KLHL29: variants seen among roughly 807,000 people sequenced by gnomAD.
The protein encoded by KLHL29 is kelch like family member 29, also known as kelch-like protein 29.
KLHL29 carries 21 observed loss-of-function variants against 80.4 expected under a neutral mutation model. The ratio of observed to expected loss-of-function variants is 0.26; its 90% CI spans 0.19 to 0.38. The LOEUF (loss-of-function observed/expected upper bound fraction) is 0.38. KLHL29 is among the 10% of genes least tolerant of loss of function. The probability of loss-of-function intolerance (pLI) is 1.00; values close to 1 mark genes in which losing one functional copy is unlikely to be tolerated. For missense variants in KLHL29, 867 were observed against 1,223.9 expected, an observed-to-expected ratio of 0.71 and a Z score of 4.35; for synonymous variants, 511 against 526.8, an observed-to-expected ratio of 0.97 and a Z score of 0.41.
intron 11 of KLHL29, among the ~76,000 whole-genome samples, chr2:23,702,050 C>T (rs139681117): frequency 0.035 from 5,294 of 151,648 alleles, 139 homozygotes; most frequent in Non-Finnish European, 0.055. Context: ...CTCGAACTCC[C>T]GACCTCAGAT....
Position 23,596,754 on chromosome 2 carries a change from G to A in KLHL29, c.285+34273G>A, listed in dbSNP as rs951608556. Among the ~76,000 whole-genome samples the A allele has an allele frequency of 2.0e-5, 3 of 152,166 alleles. No individual in the cohort carries two copies. The highest frequency in any genetic ancestry group is 6.5e-5 in the Admixed American group (1 of 15,280). ...GGCAGAGCCATCTCTTACACACAAC[G>A]GCGAAATTATTTTCTTCATCTCAGA... On this transcript the variant is annotated intron_variant, in intron 3 of 13. Coordinates refer to ENST00000486442, the MANE Select transcript of KLHL29 (RefSeq NM_052920.2). This position sits in a 1 kb window ranked among gnomAD's most constrained non-coding sequence, Gnocchi z 4.4.
chr2:23,608,300 T>C (rs1668778041), intron 3 of KLHL29, among the ~76,000 whole-genome samples: 1 of 152,200 alleles, frequency 6.6e-6, no homozygotes. Flanking sequence ...CCTAAACATA[T>C]CTATAGCTTA....
Position 23,596,395 on chromosome 2 carries a change from T to C in KLHL29, c.285+33914T>C, listed in dbSNP as rs1185359712. Among the ~76,000 whole-genome samples the C allele has an allele frequency of 6.6e-6, 1 of 152,162 alleles. No individual in the cohort carries two copies. The highest frequency in any genetic ancestry group is 1.5e-5 in the Non-Finnish European group (1 of 68,024). ...CTGTCTCCGAGCAGAGGTCTTGGTGTCCTGGTGGCTGCATCCCAGGGGAGA... is the reference window on the plus strand; with the variant it reads ...CTGTCTCCGAGCAGAGGTCTTGGTGCCCTGGTGGCTGCATCCCAGGGGAGA... On this transcript the variant is annotated intron_variant, in intron 3 of 13. Transcript: ENST00000486442. This position sits in a 1 kb window ranked among gnomAD's most constrained non-coding sequence, Gnocchi z 4.4.
intron 1 of KLHL29, among the ~76,000 whole-genome samples, chr2:23,411,000 A>C (rs773329561): frequency 6.6e-6 from 1 of 152,118 alleles, no homozygotes; most frequent in African/African-American, 2.4e-5. Flanking sequence ...TGAGCCTTCA[A>C]ATACCTTGCC....
intron 2 of KLHL29, among the ~76,000 whole-genome samples, chr2:23,504,707 G>A (rs894682718): frequency 3.3e-5 from 5 of 152,252 alleles, no homozygotes; most frequent in African/African-American, 9.6e-5. Flanking sequence ...GGCTGGGCTT[G>A]GATTGGACTC....
chr2:23,581,828 CAAAAAA>C (rs58233449), intron 3 of KLHL29, among the ~76,000 whole-genome samples: 1 of 82,908 alleles, frequency 1.2e-5, no homozygotes, highest in African/African-American at 4.8e-5. Flanking sequence ...AACTCTGCCT[CAAAAAA>C]AAAAAAAAAA....
intron 2 of KLHL29, among the ~76,000 whole-genome samples, chr2:23,534,074 G>A (rs577679294): frequency 7.9e-5 from 12 of 151,940 alleles, no homozygotes; most frequent in East Asian, 5.8e-4. Flanking sequence ...CCCCGGTTTC[G>A]GGGATGCCTT....
intron 1 of KLHL29, among the ~76,000 whole-genome samples, chr2:23,388,168 T>C (rs906202746): frequency 6.6e-6 from 1 of 152,052 alleles, no homozygotes; most frequent in Admixed American, 6.5e-5. Context: ...TTCTAATGAG[T>C]GGTGGTCATA....
At chr2:23,558,331 C>G (rs566261153) in intron 2 of KLHL29, among the ~76,000 whole-genome samples, 1 of 151,934 alleles carries the variant, frequency 6.6e-6, no homozygotes, top group African/African-American at 2.4e-5. Context: ...CAGCTGACCT[C>G]GACATGCAGA....
chr2:23,691,267 C>A (rs559464554), intron 6 of KLHL29: 1 of 259,730 alleles, frequency 3.9e-6, no homozygotes, highest in Non-Finnish European at 7.5e-6. Flanking sequence ...GCCTGGGTCA[C>A]GTTGGAGAAT....
chr2:23,569,797 C>A (rs1466086546), intron 3 of KLHL29, among the ~76,000 whole-genome samples: 1 of 152,188 alleles, frequency 6.6e-6, no homozygotes, highest in Non-Finnish European at 1.5e-5. Flanking sequence ...AGCCCCTACA[C>A]AGTTAGCTTG....
intron 1 of KLHL29, among the ~76,000 whole-genome samples, chr2:23,419,522 C>T (rs191572014): frequency 6.6e-6 from 1 of 152,338 alleles, no homozygotes; most frequent in East Asian, 1.9e-4. Flanking sequence ...AGGCTTGACT[C>T]ATCTCTTTAA....
At chr2:23,441,238 C>G (rs1304639377) in intron 1 of KLHL29, among the ~76,000 whole-genome samples, 3 of 147,746 alleles carry the variant, frequency 2.0e-5, no homozygotes, top group Non-Finnish European at 4.4e-5. Flanking sequence ...GTCAAAAAAC[C>G]AAACACCGCA....
At chr2:23,389,939 C>G (rs925004750) in intron 1 of KLHL29, among the ~76,000 whole-genome samples, 1 of 152,024 alleles carries the variant, frequency 6.6e-6, no homozygotes, top group Non-Finnish European at 1.5e-5. Context: ...TAAATTTTAC[C>G]ATAGAAAATG....
intron 2 of KLHL29, among the ~76,000 whole-genome samples, chr2:23,535,394 C>A (rs897798657): frequency 1.3e-5 from 2 of 152,252 alleles, no homozygotes. Flanking sequence ...CTGCCTCTCA[C>A]AGGAGAAGAG....
At chr2:23,685,722 C>T (rs914430213) in intron 6 of KLHL29, among the ~76,000 whole-genome samples, 2 of 152,228 alleles carry the variant, frequency 1.3e-5, no homozygotes, top group African/African-American at 2.4e-5. Context: ...TGGGCTCTCT[C>T]TGTCCAAGCA....
intron 3 of KLHL29, among the ~76,000 whole-genome samples, chr2:23,564,337 G>A (rs1281052535): frequency 6.6e-6 from 1 of 152,222 alleles, no homozygotes; most frequent in East Asian, 1.9e-4. Flanking sequence ...CCCAGTCTCA[G>A]ACAGAAAACA....
rs750429982 is a variant in KLHL29, at chr2:23,693,282, G to A, written c.1296G>A (p.Thr432=). The A allele has an allele frequency of 8.3e-5, 128 of 1,542,276 alleles. No individual in the cohort carries two copies. The highest frequency in any genetic ancestry group is 4.9e-5 in the East Asian group (2 of 40,650). Residue 432 remains threonine (T), a synonymous_variant, in exon 8 of 14, where the codon ACG becomes ACA. Coordinates refer to ENST00000486442, the MANE Select transcript of KLHL29 (RefSeq NM_052920.2). ...TGTCGCCCCCAGAGAAGCAGCTGAC[G>A]GCCAGCAACTGCCTGGGCGTGCTGG... ...VCVSFLEKQL[T]ASNCLGVLAM...
At chr2:23,553,147 G>C (rs528876414) in intron 2 of KLHL29, among the ~76,000 whole-genome samples, 2 of 152,280 alleles carry the variant, frequency 1.3e-5, no homozygotes, top group East Asian at 3.9e-4. Context: ...GCTCATTTGG[G>C]TTCAGACCCT....
Sources: gnomAD v4.1 joint callset for allele counts (sites outside exome capture counted in the v4.1 genomes callset) on GRCh38, gnomAD v4.1.1 for gene constraint, Gnocchi (gnomAD v3.1) non-coding constraint, MANE v1.5 for transcripts, NCBI Gene and HGNC (gene_info 2026-07-23, HGNC 2026-07-21) for gene names.